The following LRP1B variants were observed in gnomAD, a reference collection of about 807,000 sequenced individuals.
LRP1B encodes the protein low-density lipoprotein receptor-related protein 1B.
In LRP1B, 217 loss-of-function variants were observed where a neutral mutation model predicts 556.6. That is an observed-to-expected ratio of 0.39 (90% CI 0.35 to 0.44). The LOEUF (loss-of-function observed/expected upper bound fraction) is 0.44. Among genes scored for constraint, LRP1B ranks in the 20% least tolerant of loss-of-function variants. The pLI is 1.00. For synonymous variants in LRP1B, 2,047 were observed against 1,865.8 expected (o/e 1.10, Z -2.50); for missense variants, 5,053 against 5,620.8 (o/e 0.90, Z 3.23).
intron 15 of LRP1B, among the ~76,000 whole-genome samples, chr2:141,004,707 A>G (rs7603832): frequency 0.014 from 2,115 of 152,190 alleles, 70 homozygotes; most frequent in East Asian, 0.13. Flanking sequence ...AAAGTGTTAT[A>G]TAGTTCTCAA....
At chr2:140,633,516 G>A (rs982900298) in intron 41 of LRP1B, among the ~76,000 whole-genome samples, 2 of 151,956 alleles carry the variant, frequency 1.3e-5, no homozygotes, top group Admixed American at 6.6e-5. Context: ...AAACAATAGA[G>A]TAAATCAACA....
intron 49 of LRP1B, among the ~76,000 whole-genome samples, chr2:140,521,515 C>A (rs1275814136): frequency 6.6e-6 from 1 of 151,960 alleles, no homozygotes; most frequent in East Asian, 1.9e-4. Flanking sequence ...ACCACCAGAT[C>A]AGTACTAGAA....
At chr2:141,522,699 C>T (rs1029734955) in intron 2 of LRP1B, among the ~76,000 whole-genome samples, 9 of 152,016 alleles carry the variant, frequency 5.9e-5, no homozygotes, top group African/African-American at 2.2e-4. Flanking sequence ...CACCATGAGG[C>T]CATGTGTGGG....
At chr2:142,010,533 C>T (rs1457173891) in intron 1 of LRP1B, among the ~76,000 whole-genome samples, 2 of 115,316 alleles carry the variant, frequency 1.7e-5, no homozygotes, top group South Asian at 6.0e-4. Flanking sequence ...CCAGGCTGGG[C>T]GACAGAGCAA....
rs1400677373 is a variant in LRP1B at position 141,229,230 on chromosome 2, C to T, written c.803G>A (p.Gly268Glu). The change falls in exon 6 of 91, where the codon GGA becomes GAA. Residue 268 changes from glycine (G) to glutamate (E), a missense_variant. This residue lies in a region of LRP1B where 3,619 missense variants were observed against 3,931.9 expected (regional missense o/e 0.92). Transcript: ENST00000389484. The part of the protein sequence containing the change: ...QLKCIQITKA[G>E]GLTDEWTINI... ...GATTGTCCATTCATCTGTTAATCCT[C>T]CTGCTTTTGTTATCTGGATACATTT... 6 of 1,613,150 alleles carry T rather than the reference C, an allele frequency of 3.7e-6. No individual in the cohort carries two copies. Among genetic ancestry groups the T allele is most frequent in the South Asian group, 1.1e-5 (1 of 90,998 alleles).
At chr2:141,054,346 A>C (rs1699120336) in intron 10 of LRP1B, among the ~76,000 whole-genome samples, 1 of 151,958 alleles carries the variant, frequency 6.6e-6, no homozygotes, top group South Asian at 2.1e-4. Context: ...GTGTTTGGGG[A>C]ACATTTAAAG....
In LRP1B at chr2:141,844,021, G is replaced by A. The variant is rs193148983; in HGVS notation, c.83-33620C>T. 8.5e-5 allele frequency among the ~76,000 whole-genome samples: 13 copies of A among 152,224 alleles called. No homozygotes were observed. In the East Asian group the frequency reaches 2.5e-3, roughly 29 times the overall value. On this transcript the variant is annotated intron_variant, in intron 1 of 90. Coordinates refer to ENST00000389484, the MANE Select transcript of LRP1B (RefSeq NM_018557.3). ...CATTGCAGACTGCCTTAGATCCTAT[G>A]TAATTGCACCTTCCCTTCTCACACT...
In LRP1B at chr2:140,274,464, GC is replaced by G. The variant is rs751694974; in HGVS notation, c.13101del (p.His4368ThrfsTer4). On this transcript the variant is annotated frameshift_variant, in exon 85 of 91. Coordinates refer to ENST00000389484, the MANE Select transcript of LRP1B (RefSeq NM_018557.3). LOFTEE classifies it high-confidence loss of function. Reference sequence around the variant, plus strand: ...TCACTGTCTTTATTTATAATGCAGTGCCCCCCATGGCACCTTACACACTTGT... The same window carrying G: ...TCACTGTCTTTATTTATAATGCAGTGCCCCCATGGCACCTTACACACTTGT... ...EVDKCVRCHG[G>X]HCIINKDSED... The G allele has an allele frequency of 1.9e-6, 3 of 1,612,502 alleles. No homozygotes were observed. Among genetic ancestry groups the G allele is most frequent in the Non-Finnish European group, 2.5e-6 (3 of 1,179,064 alleles).
intron 1 of LRP1B, among the ~76,000 whole-genome samples, chr2:142,047,247 C>A (rs560512583): frequency 6.6e-6 from 1 of 151,912 alleles, no homozygotes; most frequent in Non-Finnish European, 1.5e-5. Flanking sequence ...CCAACACACA[C>A]GTACATGGAG....
At chr2:141,274,611 G>A (rs189069223) in intron 3 of LRP1B, among the ~76,000 whole-genome samples, 2 of 152,114 alleles carry the variant, frequency 1.3e-5, no homozygotes, top group Admixed American at 1.3e-4. Flanking sequence ...TAATGAAAAT[G>A]TTCTATAATT....
At chr2:142,001,476 A>T (rs1489442595) in intron 1 of LRP1B, among the ~76,000 whole-genome samples, 1 of 152,198 alleles carries the variant, frequency 6.6e-6, no homozygotes, top group Admixed American at 6.6e-5. Flanking sequence ...CTTAGTAATT[A>T]TTTGTTAATT....
chr2:141,480,628 C>T, intron 2 of LRP1B, 95 bp from the exon 3 acceptor site: 1 of 1,243,830 alleles, frequency 8.0e-7, no homozygotes, highest in Non-Finnish European at 1.2e-6. Context: ...TTTTACAAAA[C>T]AAAACTATAG....
At chr2:141,255,548 G>T (rs1204489790) in intron 3 of LRP1B, among the ~76,000 whole-genome samples, 1 of 152,006 alleles carries the variant, frequency 6.6e-6, no homozygotes, top group Admixed American at 6.6e-5. Flanking sequence ...ATTGGGTATT[G>T]TATTATAAAT....
chr2:141,512,842 A>G (rs1684178586), intron 2 of LRP1B, among the ~76,000 whole-genome samples: 1 of 152,164 alleles, frequency 6.6e-6, no homozygotes, highest in Non-Finnish European at 1.5e-5. Flanking sequence ...TGAATGTAAT[A>G]TGGATTTTAA....
chr2:141,012,754 T>G (rs571096389), intron 14 of LRP1B, among the ~76,000 whole-genome samples: 2 of 152,102 alleles, frequency 1.3e-5, no homozygotes, highest in African/African-American at 4.8e-5. Context: ...AAAACTCTGT[T>G]GCTAGATAAT....
At chr2:141,945,033 A>G (rs1700914305) in intron 1 of LRP1B, among the ~76,000 whole-genome samples, 1 of 152,102 alleles carries the variant, frequency 6.6e-6, no homozygotes, top group Non-Finnish European at 1.5e-5. Context: ...ACTGCTTTTC[A>G]TGTATTCTGT....
chr2:141,044,113 C>T (rs945263665), intron 11 of LRP1B, among the ~76,000 whole-genome samples: 3 of 151,722 alleles, frequency 2.0e-5, no homozygotes, highest in African/African-American at 7.3e-5. Flanking sequence ...AGAAATAACG[C>T]CGCATATCTA....
chr2:140,813,098 T>C (rs1368838217), intron 32 of LRP1B, among the ~76,000 whole-genome samples: 2 of 152,194 alleles, frequency 1.3e-5, no homozygotes, highest in African/African-American at 4.8e-5. Context: ...TTTAGCTTCC[T>C]AATCATTTTA....
intron 3 of LRP1B, among the ~76,000 whole-genome samples, chr2:141,280,312 A>G (rs912329622): frequency 6.6e-6 from 1 of 152,050 alleles, no homozygotes; most frequent in African/African-American, 2.4e-5. Context: ...CACACATAAG[A>G]CACAAGGTGA....
Sources: gnomAD v4.1 joint callset for allele counts (sites outside exome capture counted in the v4.1 genomes callset) on GRCh38, gnomAD v4.1.1 for gene constraint, gnomAD v4.1.1 regional missense constraint, MANE v1.5 for transcripts, NCBI Gene and HGNC (gene_info 2026-07-23, HGNC 2026-07-21) for gene names.